The following MPP7 variants were observed in gnomAD, a reference collection of about 807,000 sequenced individuals.
MPP7 encodes the protein MAGUK p55 subfamily member 7.
A neutral mutation model predicts 76.5 loss-of-function variants in MPP7; 60 were observed. The observed-to-expected ratio is 0.78, with a 90% confidence interval of 0.64 to 0.97. The LOEUF (loss-of-function observed/expected upper bound fraction) is 0.97. Ranked by LOEUF, MPP7 falls within the 50% of genes least tolerant of loss-of-function variation. The pLI, the probability that MPP7 is intolerant of heterozygous loss-of-function variation, is 0.00. For missense variants in MPP7, 641 were observed against 694.0 expected (o/e 0.92, Z 0.86); for synonymous variants, 237 against 244.5 (o/e 0.97, Z 0.29).
intron 3 of MPP7, among the ~76,000 whole-genome samples, chr10:28,196,429 G>A (rs1837583859): frequency 6.8e-6 from 1 of 147,620 alleles, no homozygotes; most frequent in African/African-American, 2.5e-5. Flanking sequence ...GCAGTGAGCC[G>A]AGATCACACT....
intron 13 of MPP7, among the ~76,000 whole-genome samples, chr10:28,066,418 C>T (rs1419508336): frequency 6.6e-6 from 1 of 152,122 alleles, no homozygotes; most frequent in East Asian, 1.9e-4. Context: ...ATTACAAATT[C>T]ACAAGTAGTT....
chr10:28,220,291 T>C (rs1838457133), intron 2 of MPP7, among the ~76,000 whole-genome samples: 1 of 152,178 alleles, frequency 6.6e-6, no homozygotes. Flanking sequence ...GTTTGATTTT[T>C]AGCAGTATTC....
chr10:28,315,521 C>A (rs1176145119), intron 2 of MPP7, among the ~76,000 whole-genome samples: 1 of 152,118 alleles, frequency 6.6e-6, no homozygotes, highest in African/African-American at 2.4e-5. Context: ...TCCCACTTCC[C>A]TCCTGGCCAC....
intron 13 of MPP7, among the ~76,000 whole-genome samples, chr10:28,068,548 CATTTT>C (rs1165322483): frequency 6.6e-6 from 1 of 152,010 alleles, no homozygotes; most frequent in African/African-American, 2.4e-5. Flanking sequence ...TCAAGCATCA[CATTTT>C]ATTTGTAAGA....
intron 3 of MPP7, among the ~76,000 whole-genome samples, chr10:28,195,488 A>C (rs1024904412): frequency 1.3e-5 from 2 of 152,232 alleles, no homozygotes; most frequent in Non-Finnish European, 2.9e-5. Context: ...GAAACAACCC[A>C]AATGTCCATC....
intron 3 of MPP7, among the ~76,000 whole-genome samples, chr10:28,186,076 G>T (rs1837225553): frequency 6.6e-6 from 1 of 152,162 alleles, no homozygotes; most frequent in South Asian, 2.1e-4. Context: ...GCCGGGAGTG[G>T]TGACTCACGC....
chr10:28,293,257 T>C (rs887414162), intron 1 of MPP7, among the ~76,000 whole-genome samples: 1 of 152,030 alleles, frequency 6.6e-6, no homozygotes, highest in Admixed American at 6.6e-5. Flanking sequence ...AAAGGATATA[T>C]AAATGGCGAA....
intron 1 of MPP7, among the ~76,000 whole-genome samples, chr10:28,298,910 A>T (rs1225834656): frequency 6.6e-6 from 1 of 152,144 alleles, no homozygotes; most frequent in African/African-American, 2.4e-5. Flanking sequence ...CTCATGAACC[A>T]ACCTCTTCTA....
At chr10:28,226,581 T>C (rs1280212344) in intron 2 of MPP7, among the ~76,000 whole-genome samples, 4 of 152,154 alleles carry the variant, frequency 2.6e-5, no homozygotes, top group African/African-American at 9.7e-5. Flanking sequence ...TGAGTTTCTG[T>C]ATGGGGTGAA....
At chr10:28,186,572 G>T (rs1837244156) in intron 3 of MPP7, among the ~76,000 whole-genome samples, 1 of 152,214 alleles carries the variant, frequency 6.6e-6, no homozygotes, top group South Asian at 2.1e-4. Flanking sequence ...TCTACAATTT[G>T]CTGTGGGAAA....
intron 1 of MPP7, among the ~76,000 whole-genome samples, chr10:28,330,205 G>A (rs1834458625): frequency 6.6e-6 from 1 of 152,180 alleles, no homozygotes; most frequent in Admixed American, 6.5e-5. Flanking sequence ...TGCTGAAATA[G>A]TTTTTGAAAA....
intron 11 of MPP7, among the ~76,000 whole-genome samples, chr10:28,100,486 C>T (rs183557870): frequency 3.7e-4 from 56 of 152,042 alleles, no homozygotes; most frequent in African/African-American, 1.2e-3. Context: ...AGTCAGCTTC[C>T]GTATTGATCT....
intron 3 of MPP7, among the ~76,000 whole-genome samples, chr10:28,153,536 A>G (rs1290316962): frequency 6.6e-6 from 1 of 152,168 alleles, no homozygotes; most frequent in Non-Finnish European, 1.5e-5. Flanking sequence ...TTTTTTTCCT[A>G]TAATTACATT....
chr10:28,330,946 C>G (rs146291307), intron 1 of MPP7, among the ~76,000 whole-genome samples: 24 of 152,292 alleles, frequency 1.6e-4, no homozygotes, highest in African/African-American at 5.1e-4. Context: ...CAGGTGTTAG[C>G]CACAGCACCT....
intron 3 of MPP7, among the ~76,000 whole-genome samples, chr10:28,163,526 C>T (rs543460572): frequency 2.0e-4 from 31 of 152,272 alleles, no homozygotes; most frequent in African/African-American, 7.2e-4. Flanking sequence ...CACACCTATA[C>T]ACCCAGGGAC....
At chr10:28,128,330 C>A (rs1835083736) in intron 6 of MPP7, among the ~76,000 whole-genome samples, 1 of 148,594 alleles carries the variant, frequency 6.7e-6, no homozygotes, top group African/African-American at 2.5e-5. Flanking sequence ...GGTTGAGCAT[C>A]CCAAATCCAA....
intron 13 of MPP7, among the ~76,000 whole-genome samples, chr10:28,069,276 C>G (rs1852114248): frequency 6.6e-6 from 1 of 152,124 alleles, no homozygotes; most frequent in South Asian, 2.1e-4. Flanking sequence ...ACCACATTCT[C>G]CATGATGTGC....
chr10:28,071,628 C>CCAATGTA (rs1166121813), intron 12 of MPP7, among the ~76,000 whole-genome samples: 1 of 152,060 alleles, frequency 6.6e-6, no homozygotes, highest in African/African-American at 2.4e-5. Context: ...ATTGACCTAA[C>CCAATGTA]TAAAAATAAT....
chr10:28,151,200 C>T (rs548216720), intron 3 of MPP7, among the ~76,000 whole-genome samples: 3 of 152,226 alleles, frequency 2.0e-5, no homozygotes, highest in South Asian at 2.1e-4. Context: ...TTTTTGGCAA[C>T]CCAGTACACA....
Sources: gnomAD v4.1 joint callset for allele counts (sites outside exome capture counted in the v4.1 genomes callset) on GRCh38, gnomAD v4.1.1 for gene constraint, MANE v1.5 for transcripts, NCBI Gene and HGNC (gene_info 2026-07-23, HGNC 2026-07-21) for gene names.